Variants in ITPR2 observed in about 807,000 individuals in gnomAD.
ITPR2 encodes inositol 1,4,5-trisphosphate-gated calcium channel ITPR2.
ITPR2 carries 207 observed loss-of-function variants against 317.1 expected under a neutral mutation model. The observed-to-expected ratio is 0.65, with a 90% CI of 0.58 to 0.73. ITPR2 has a LOEUF of 0.73. Among genes scored for constraint, ITPR2 ranks in the 30% least tolerant of loss-of-function variants. The pLI, the probability that ITPR2 is intolerant of heterozygous loss-of-function variation, is 0.00. For synonymous variants in ITPR2, 1,156 were observed against 1,149.1 expected (o/e 1.01, Z -0.12); for missense variants, 2,613 against 3,284.0 (o/e 0.80, Z 4.99).
At chr12:26,602,827 T>A in intron 26 of ITPR2, 121 bp from the exon 27 acceptor site, 1 of 483,428 alleles carries the variant, frequency 2.1e-6, no homozygotes, top group Non-Finnish European at 3.3e-6. Flanking sequence ...TTATTCAACT[T>A]AAATGTTTCT....
At position 26,657,701 on chromosome 12, in the gene ITPR2, C is replaced by A. The variant is rs1947402882; in HGVS notation, c.2192+6G>T. 6.2e-7 allele frequency: 1 copy of A among 1,611,584 alleles called. No individual in the cohort carries two copies. The highest frequency in any genetic ancestry group is 8.5e-7 in the Non-Finnish European group (1 of 1,178,078). The stretch of plus-strand genomic sequence containing the variant: ...AATTATTGTAAGATTGTCTATAATA[C>A]TTAACCTGTAATAGGTAAGAACTTC... On this transcript the variant is annotated splice_donor_region_variant and intron_variant, in intron 18 of 56. Transcript: ENST00000381340.
intron 2 of ITPR2, among the ~76,000 whole-genome samples, chr12:26,759,453 C>G (rs1456142388): frequency 6.6e-6 from 1 of 152,148 alleles, no homozygotes; most frequent in Non-Finnish European, 1.5e-5. Flanking sequence ...GTTTGCCTCC[C>G]CTCAACAGCT....
intron 55 of ITPR2, among the ~76,000 whole-genome samples, chr12:26,381,211 T>C (rs769487270): frequency 2.0e-5 from 3 of 152,232 alleles, no homozygotes; most frequent in Non-Finnish European, 4.4e-5. Flanking sequence ...TCCTGCTGTA[T>C]TTTTATCCTT....
At chr12:26,370,132 CTG>C (rs1282170797) in intron 55 of ITPR2, among the ~76,000 whole-genome samples, 1 of 152,166 alleles carries the variant, frequency 6.6e-6, no homozygotes, top group Non-Finnish European at 1.5e-5. Flanking sequence ...CCTGTGAATT[CTG>C]TGAGTCATTC....
intron 45 of ITPR2, among the ~76,000 whole-genome samples, chr12:26,465,216 G>T (rs149905960): frequency 3.9e-5 from 6 of 152,178 alleles, no homozygotes; most frequent in Admixed American, 1.3e-4. Flanking sequence ...AGGAGATTGC[G>T]CTGGGCAAAA....
chr12:26,458,036 C>T (rs1190709110), intron 45 of ITPR2, among the ~76,000 whole-genome samples: 1 of 152,196 alleles, frequency 6.6e-6, no homozygotes, highest in Non-Finnish European at 1.5e-5. Flanking sequence ...ACTGCTTTAT[C>T]AGAAGCTATG....
chr12:26,391,555 C>CTTTTTTTTTTTTTTT lies in ITPR2; in HGVS notation c.7697-3962_7697-3961insAAAAAAAAAAAAAAA, dbSNP rs1491173931. 2.2e-3 allele frequency among the ~76,000 whole-genome samples: 157 copies of CTTTTTTTTTTTTTTT among 70,852 alleles called. 24 individuals are homozygous for CTTTTTTTTTTTTTTT. Among genetic ancestry groups the CTTTTTTTTTTTTTTT allele is most frequent in the Non-Finnish European group, 2.9e-3 (111 of 38,654 alleles). 46.5% of individuals were successfully genotyped at this position (70,852 alleles called of 152,430 possible). On this transcript the variant is annotated intron_variant, in intron 54 of 56. Transcript: ENST00000381340. The stretch of plus-strand genomic sequence containing the variant: ...AGCTTCTTCTTCTTCTTCTTCTTTT[C>CTTTTTTTTTTTTTTT]CTTTTTTTTTTTTTTTTTTTTTTTT...
chr12:26,789,467 TA>T (rs1250632078), intron 2 of ITPR2, among the ~76,000 whole-genome samples: 1 of 152,224 alleles, frequency 6.6e-6, no homozygotes, highest in Non-Finnish European at 1.5e-5. Context: ...AATGAATGGT[TA>T]TACATTGTTC....
rs531808575 is a variant in ITPR2 at position 26,672,159 on chromosome 12, A to G, written c.1410-6108T>C. On this transcript the variant is annotated intron_variant, in intron 13 of 56. Transcript: ENST00000381340. ...AGATCAATGACACAGAAAGTTAACA[A>G]GGATACCCAGGAATTGAACTCAGCT... Among the ~76,000 whole-genome samples the G allele has an allele frequency of 9.9e-5, 15 of 152,250 alleles. No individual in the cohort carries two copies. The East Asian group carries it at 2.9e-3, about 29-fold the overall frequency.
At chr12:26,378,174 A>G (rs1410012949) in intron 55 of ITPR2, among the ~76,000 whole-genome samples, 1 of 152,086 alleles carries the variant, frequency 6.6e-6, no homozygotes, top group African/African-American at 2.4e-5. Context: ...ACACTCCAAT[A>G]AATATAAAAA....
At chr12:26,469,300 G>A (rs1228367656) in intron 45 of ITPR2, among the ~76,000 whole-genome samples, 1 of 152,174 alleles carries the variant, frequency 6.6e-6, no homozygotes, top group Non-Finnish European at 1.5e-5. Context: ...TGAACTGTAG[G>A]TGATTAGTGT....
intron 30 of ITPR2, among the ~76,000 whole-genome samples, chr12:26,598,739 T>C (rs1302887309): frequency 5.9e-5 from 9 of 152,174 alleles, no homozygotes; most frequent in Non-Finnish European, 1.2e-4. Context: ...TTTCTGCAAA[T>C]AGCAGCAGAG....
At chr12:26,804,919 G>C (rs1950616500) in intron 1 of ITPR2, among the ~76,000 whole-genome samples, 1 of 151,900 alleles carries the variant, frequency 6.6e-6, no homozygotes, top group Non-Finnish European at 1.5e-5. Context: ...ATTTTTAGTA[G>C]AGACGGGGTT....
At chr12:26,598,899 C>T (rs1480842323) in intron 30 of ITPR2, among the ~76,000 whole-genome samples, 1 of 152,084 alleles carries the variant, frequency 6.6e-6, no homozygotes, top group African/African-American at 2.4e-5. Context: ...GGATTTTACC[C>T]ATTTTTTAAA....
In ITPR2 at chr12:26,369,521, GCTAA is replaced by G. The variant is rs555941092; in HGVS notation, c.7857+17909_7857+17912del. Among the ~76,000 whole-genome samples the G allele has an allele frequency of 2.3e-4, 35 of 152,300 alleles. No homozygotes were observed. The South Asian group carries it at 4.6e-3, about 20-fold the overall frequency. Reference sequence around the variant, plus strand: ...TAAGAGGGATAGAGGAATGAGAAGGGCTAACTTTCAGTTAAGATTTAAAATTTCT... The same window carrying G: ...TAAGAGGGATAGAGGAATGAGAAGGGCTTTCAGTTAAGATTTAAAATTTCT... On this transcript the variant is annotated intron_variant, in intron 55 of 56. Coordinates refer to ENST00000381340, the MANE Select transcript of ITPR2 (RefSeq NM_002223.4).
chr12:26,370,370 G>A (rs1271929567), intron 55 of ITPR2, among the ~76,000 whole-genome samples: 1 of 152,124 alleles, frequency 6.6e-6, no homozygotes, highest in Non-Finnish European at 1.5e-5. Flanking sequence ...TAGCATTACA[G>A]GTCATTGTCA....
chr12:26,486,865 T>G lies in ITPR2; in HGVS notation c.5554+203A>C, dbSNP rs114538493. 740 of 689,654 alleles carry G rather than the reference T, an allele frequency of 1.1e-3. 7 individuals are homozygous for G. The African/African-American group carries it at 0.012, about 11-fold the overall frequency. 42.7% of individuals were successfully genotyped at this position (689,654 alleles called of 1,614,324 possible). A position where few individuals can be genotyped will look rare whatever the true frequency, so the allele number is the denominator to read the frequency against. On this transcript the variant is annotated intron_variant, in intron 40 of 56. Coordinates refer to ENST00000381340, the MANE Select transcript of ITPR2 (RefSeq NM_002223.4). ...ACATCTTTCATGCCGTTGGTTGCTT[T>G]GCACTGATTATGTCTCATTTAAGTT...
chr12:26,424,681 C>A (rs7307559), intron 49 of ITPR2, among the ~76,000 whole-genome samples: 16,260 of 150,368 alleles, frequency 0.11, 1,223 homozygotes, highest in African/African-American at 0.22. Context: ...CCTCCACCTC[C>A]TGGGTTGAAG....
chr12:26,682,714 T>G (rs1436762725), intron 11 of ITPR2, 41 bp from the exon 12 acceptor site: 1 of 1,194,630 alleles, frequency 8.4e-7, no homozygotes, highest in African/African-American at 1.5e-5. Flanking sequence ...TATAAAAAAT[T>G]AGCACACTTA....
Sources: gnomAD v4.1 joint callset for allele counts (sites outside exome capture counted in the v4.1 genomes callset) on GRCh38, gnomAD v4.1.1 for gene constraint, MANE v1.5 for transcripts, NCBI Gene and HGNC (gene_info 2026-07-23, HGNC 2026-07-21) for gene names.